TTC7A: variants seen among roughly 807,000 people sequenced by gnomAD.
TTC7A encodes the protein tetratricopeptide repeat domain 7A.
In TTC7A, 110 loss-of-function variants were observed where a neutral mutation model predicts 103.7. The ratio of observed to expected loss-of-function variants is 1.06; its 90% CI spans 0.91 to 1.24. TTC7A has a LOEUF of 1.24. Among genes scored for constraint, TTC7A ranks in the 50% most tolerant of loss-of-function variants. TTC7A has a pLI of 0.00. For missense variants in TTC7A, 1,340 were observed against 1,116.3 expected, an observed-to-expected ratio of 1.20 and a Z score of -2.86; for synonymous variants, 521 against 467.9, an observed-to-expected ratio of 1.11 and a Z score of -1.47.
chr2:47,055,148 C>T (rs188290140), intron 18 of TTC7A, among the ~76,000 whole-genome samples: 4 of 152,250 alleles, frequency 2.6e-5, no homozygotes, highest in Admixed American at 1.3e-4. Context: ...ATCAGCATCC[C>T]CCCGCCAAAC....
intron 2 of TTC7A, among the ~76,000 whole-genome samples, chr2:46,920,762 AT>A (rs990730583): frequency 3.3e-5 from 5 of 151,968 alleles, no homozygotes; most frequent in African/African-American, 1.2e-4. Flanking sequence ...CTTCAAAGGC[AT>A]TTTCATGATG....
intron 19 of TTC7A, 52 bp from the exon 20 acceptor site, chr2:47,073,650 T>A: frequency 6.5e-7 from 1 of 1,543,422 alleles, no homozygotes; most frequent in South Asian, 1.1e-5. Context: ...GTTGCCAAGA[T>A]GCCTGTGCCA....
chr2:47,027,186 G>T (rs766491451), intron 14 of TTC7A, among the ~76,000 whole-genome samples: 2 of 152,196 alleles, frequency 1.3e-5, no homozygotes, highest in East Asian at 3.8e-4. Flanking sequence ...AGCAGTGTGT[G>T]GGGGAGAGGA....
chr2:47,032,420 A>G (rs747602170), intron 15 of TTC7A, among the ~76,000 whole-genome samples: 38 of 152,128 alleles, frequency 2.5e-4, no homozygotes, highest in Non-Finnish European at 4.9e-4. Flanking sequence ...GCAGGCAGGA[A>G]CCTCTGCCGT....
chr2:46,999,186 ACCAT>A (rs369723385), intron 8 of TTC7A, among the ~76,000 whole-genome samples: 4 of 151,502 alleles, frequency 2.6e-5, no homozygotes, highest in African/African-American at 7.3e-5. Flanking sequence ...CCATTCATCC[ACCAT>A]CCATCCATCC....
At chr2:47,016,983 G>A (rs1424326543) in intron 11 of TTC7A, among the ~76,000 whole-genome samples, 2 of 151,978 alleles carry the variant, frequency 1.3e-5, no homozygotes, top group Admixed American at 6.6e-5. Context: ...TGGATCACCC[G>A]AGGTCAGGAG....
intron 15 of TTC7A, among the ~76,000 whole-genome samples, chr2:47,039,883 A>G (rs1681547114): frequency 6.6e-6 from 1 of 152,210 alleles, no homozygotes; most frequent in Admixed American, 6.5e-5. Flanking sequence ...AGAGACACCA[A>G]CCTCACTGGT....
At chr2:46,972,197 T>G (rs1431006475) in intron 3 of TTC7A, among the ~76,000 whole-genome samples, 1 of 147,682 alleles carries the variant, frequency 6.8e-6, no homozygotes, top group Non-Finnish European at 1.5e-5. Context: ...TTTCCTGTCT[T>G]AAAAAAAAAA....
intron 3 of TTC7A, among the ~76,000 whole-genome samples, chr2:46,971,302 G>A (rs1453837824): frequency 6.6e-6 from 1 of 152,220 alleles, no homozygotes; most frequent in Non-Finnish European, 1.5e-5. Flanking sequence ...TGTAGAGGAG[G>A]TGGCATTTAG....
chr2:47,034,586 C>T (rs1304643958), intron 15 of TTC7A, among the ~76,000 whole-genome samples: 2 of 152,156 alleles, frequency 1.3e-5, no homozygotes, highest in Non-Finnish European at 2.9e-5. Context: ...AGTTCCTCAG[C>T]TCATGATGGG....
intron 5 of TTC7A, among the ~76,000 whole-genome samples, chr2:46,980,455 T>C (rs1272076976): frequency 1.3e-5 from 2 of 152,130 alleles, no homozygotes; most frequent in Non-Finnish European, 2.9e-5. Context: ...CAAGTGATCC[T>C]CCCGCTTCAG....
At chr2:47,024,399 C>A in intron 14 of TTC7A, 40 bp downstream of exon 14, 1 of 1,549,038 alleles carries the variant, frequency 6.5e-7, no homozygotes, top group Non-Finnish European at 8.8e-7. Context: ...TCCTCGGGGG[C>A]TGCTGATCTT....
At chr2:46,998,618 C>T (rs1166387835) in intron 8 of TTC7A, among the ~76,000 whole-genome samples, 2 of 152,216 alleles carry the variant, frequency 1.3e-5, no homozygotes, top group Non-Finnish European at 2.9e-5. Context: ...TACTTAGGTT[C>T]TCCTAATACC....
At chr2:46,945,285 G>C (rs1402294555) in intron 1 of TTC7A, among the ~76,000 whole-genome samples, 1 of 151,876 alleles carries the variant, frequency 6.6e-6, no homozygotes, top group African/African-American at 2.4e-5. Flanking sequence ...ATGGAGTCTT[G>C]CTCTGTTGCC....
intron 4 of TTC7A, chr2:46,978,096 TG>T (rs1371453735): frequency 2.0e-5 from 3 of 152,274 alleles, no homozygotes; most frequent in African/African-American, 7.2e-5. Context: ...GAGTGAAGTC[TG>T]GTGGGAGCTG....
intron 11 of TTC7A, among the ~76,000 whole-genome samples, chr2:47,014,609 G>C (rs1377216369): frequency 6.6e-6 from 1 of 152,214 alleles, no homozygotes; most frequent in Non-Finnish European, 1.5e-5. Context: ...GGTCTGCCTG[G>C]CAGGCAGGGG....
In TTC7A at chr2:46,995,191, G is replaced by A. The variant is rs1043242155; in HGVS notation, c.1057G>A (p.Glu353Lys). Residue 353 changes from glutamate to lysine, a missense_variant, in exon 8 of 20, where the codon GAA (glutamate) becomes AAA (lysine). Transcript: ENST00000319190. ...EEALLLLLIS[E>K]SMATRDVVLS... Reference sequence around the variant, plus strand: ...AGCCCTCCTGCTCCTCCTCATCAGCGAATCCATGGTAAGCTCCAGGATGTC... The same window carrying A: ...AGCCCTCCTGCTCCTCCTCATCAGCAAATCCATGGTAAGCTCCAGGATGTC... The A allele has an allele frequency of 6.8e-6, 11 of 1,613,952 alleles. No individual in the cohort carries two copies. Among genetic ancestry groups the A allele is most frequent in the Middle Eastern group, 3.3e-4 (2 of 6,084 alleles).
chr2:47,022,618 C>G (rs1679415101), intron 12 of TTC7A, among the ~76,000 whole-genome samples: 1 of 152,076 alleles, frequency 6.6e-6, no homozygotes, highest in African/African-American at 2.4e-5. Flanking sequence ...GCCACCCAGA[C>G]CAAACCTGGA....
At chr2:46,979,221 A>G (rs1443700035) in intron 5 of TTC7A, among the ~76,000 whole-genome samples, 1 of 152,190 alleles carries the variant, frequency 6.6e-6, no homozygotes, top group Non-Finnish European at 1.5e-5. Flanking sequence ...TGATGTTGAA[A>G]AAGCAAAGGA....
Sources: allele counts gnomAD v4.1 joint callset (sites outside exome capture counted in the v4.1 genomes callset), GRCh38; gene constraint gnomAD v4.1.1; transcripts MANE v1.5; gene names NCBI Gene and HGNC (gene_info 2026-07-23, HGNC 2026-07-21).